Variants in PCBD2 observed in about 807,000 individuals in gnomAD.
The protein encoded by PCBD2 is pterin-4 alpha-carbinolamine dehydratase 2.
In PCBD2, 12 loss-of-function variants were observed where a neutral mutation model predicts 16.4. The observed-to-expected ratio is 0.73, with a 90% CI of 0.47 to 1.19. The LOEUF (loss-of-function observed/expected upper bound fraction) is 1.19. Ranked by LOEUF, PCBD2 falls within the 50% of genes most tolerant of loss-of-function variation. The pLI, the probability that PCBD2 is intolerant of heterozygous loss-of-function variation, is 0.00. For missense variants in PCBD2, 138 were observed against 156.8 expected (o/e 0.88, Z 0.64); for synonymous variants, 58 against 61.8 (o/e 0.94, Z 0.29).
intron 2 of PCBD2, among the ~76,000 whole-genome samples, chr5:134,935,672 A>G (rs1751151163): frequency 6.6e-6 from 1 of 152,242 alleles, no homozygotes; most frequent in South Asian, 2.1e-4. Flanking sequence ...GCAGTCCAGA[A>G]TGGAATTAAA....
chr5:134,951,983 G>A (rs752419534), intron 2 of PCBD2, among the ~76,000 whole-genome samples: 8 of 151,872 alleles, frequency 5.3e-5, no homozygotes, highest in South Asian at 2.1e-4. Context: ...AAAATTTTTC[G>A]TGTAGTAAGA....
At chr5:134,956,823 A>G (rs556821510) in intron 2 of PCBD2, among the ~76,000 whole-genome samples, 1 of 152,344 alleles carries the variant, frequency 6.6e-6, no homozygotes, top group East Asian at 1.9e-4. Context: ...TAGTTTGGTC[A>G]GAAGCAGTAG....
chr5:134,957,201 G>A (rs952605336), intron 2 of PCBD2, among the ~76,000 whole-genome samples: 12 of 152,200 alleles, frequency 7.9e-5, no homozygotes, highest in African/African-American at 2.2e-4. Flanking sequence ...AAAGGCTGCC[G>A]TGAGCCAAGA....
At chr5:134,952,997 C>A (rs1240950742) in intron 2 of PCBD2, among the ~76,000 whole-genome samples, 1 of 151,572 alleles carries the variant, frequency 6.6e-6, no homozygotes, top group Non-Finnish European at 1.5e-5. Flanking sequence ...TAATGTTTTG[C>A]CCTAAATTAG....
chr5:134,906,348 C>T (rs1023382431), intron 1 of PCBD2, among the ~76,000 whole-genome samples: 1 of 151,782 alleles, frequency 6.6e-6, no homozygotes, highest in East Asian at 1.9e-4. Context: ...GGACAACAGG[C>T]GCCCGTCGCC....
In PCBD2 at chr5:134,961,267, AT is replaced by A. The variant is rs1751472023; in HGVS notation, c.*587del. On this transcript the variant is annotated 3_prime_UTR_variant, in exon 4 of 4. Transcript: ENST00000254908. Reference sequence around the variant, plus strand: ...TAAACCAACCCAGTTACTTATATTAATAATATTCAGAAAGAGAAGTGGCTTT... The same window carrying A: ...TAAACCAACCCAGTTACTTATATTAAAATATTCAGAAAGAGAAGTGGCTTT... 1 of 151,662 alleles carries A rather than the reference AT, an allele frequency of 6.6e-6. No individual in the cohort carries two copies. The highest frequency in any genetic ancestry group is 2.4e-5 in the African/African-American group (1 of 41,292). The allele number at this position is 151,662 out of a possible 1,614,324, so 9.4% of individuals were successfully genotyped here.
At chr5:134,924,722 G>T in intron 2 of PCBD2, 1 of 395,478 alleles carries the variant, frequency 2.5e-6, no homozygotes. Flanking sequence ...ATGCCTTTTT[G>T]GGTTGAGGTG....
chr5:134,944,226 A>G (rs1183965287), intron 2 of PCBD2, among the ~76,000 whole-genome samples: 1 of 152,144 alleles, frequency 6.6e-6, no homozygotes, highest in African/African-American at 2.4e-5. Context: ...GTGCCTAGTA[A>G]GGTTTTGCAT....
At chr5:134,910,247 T>C in intron 1 of PCBD2, 88 bp from the exon 2 acceptor site, 1 of 1,414,906 alleles carries the variant, frequency 7.1e-7, no homozygotes, top group Non-Finnish European at 9.6e-7. Flanking sequence ...TTCAGACTTT[T>C]CTACATCTCT....
chr5:134,949,898 A>G (rs975085986), intron 2 of PCBD2, among the ~76,000 whole-genome samples: 1 of 152,224 alleles, frequency 6.6e-6, no homozygotes, highest in Non-Finnish European at 1.5e-5. Flanking sequence ...ATTTTTAATT[A>G]AAGTTGAAGA....
chr5:134,926,245 T>C (rs766810732), intron 2 of PCBD2: 69 of 333,776 alleles, frequency 2.1e-4, no homozygotes, highest in Admixed American at 2.4e-4. Flanking sequence ...TTGGGTTGTT[T>C]GGGTTGTTGC....
At chr5:134,907,741 G>T (rs1750714235) in intron 1 of PCBD2, among the ~76,000 whole-genome samples, 1 of 149,328 alleles carries the variant, frequency 6.7e-6, no homozygotes, top group Non-Finnish European at 1.5e-5. Flanking sequence ...TCCTTCCTCA[G>T]CCTCCTGAGT....
In PCBD2 at chr5:134,961,763, T is replaced by C. The variant is rs1486002645; in HGVS notation, c.*1082T>C. ...TTTAACTTTAAATAACAATTCTTCT[T>C]TTGTTTTGTTTTGTTTGAGACGGGG... On this transcript the variant is annotated 3_prime_UTR_variant, in exon 4 of 4. Transcript: ENST00000254908. Among the ~76,000 whole-genome samples the C allele has an allele frequency of 6.6e-6, 1 of 152,006 alleles. No individual in the cohort carries two copies. The highest frequency in any genetic ancestry group is 1.5e-5 in the Non-Finnish European group (1 of 67,986).
At chr5:134,934,786 T>C (rs1751139634) in intron 2 of PCBD2, among the ~76,000 whole-genome samples, 1 of 152,228 alleles carries the variant, frequency 6.6e-6, no homozygotes, top group African/African-American at 2.4e-5. Context: ...TGAGAAATTC[T>C]ATTCCCAGCC....
At position 134,962,328 on chromosome 5, in the gene PCBD2, G is replaced by A. The variant is rs191542161; in HGVS notation, c.*1647G>A. Among the ~76,000 whole-genome samples the A allele has an allele frequency of 9.4e-4, 143 of 151,886 alleles. No homozygotes were observed. Among genetic ancestry groups the A allele is most frequent in the Middle Eastern group, 3.4e-3 (1 of 290 alleles). On this transcript the variant is annotated 3_prime_UTR_variant, in exon 4 of 4. Transcript: ENST00000254908. ...TGGCTGGTCTAGAACTTCTGGGCTC[G>A]AGTAATCCTCCTGCCTTGGCCTCTC...
At chr5:134,908,304 C>T (rs1750723210) in intron 1 of PCBD2, among the ~76,000 whole-genome samples, 1 of 149,632 alleles carries the variant, frequency 6.7e-6, no homozygotes, top group Non-Finnish European at 1.5e-5. Context: ...CAGGCGTGTG[C>T]CACCATGCCC....
chr5:134,914,318 G>A (rs1750801759), intron 2 of PCBD2, among the ~76,000 whole-genome samples: 1 of 152,152 alleles, frequency 6.6e-6, no homozygotes, highest in Non-Finnish European at 1.5e-5. Flanking sequence ...GGGGAGATAA[G>A]AGAAGGAGTG....
intron 2 of PCBD2, among the ~76,000 whole-genome samples, chr5:134,943,933 A>G (rs17167712): frequency 0.058 from 8,815 of 152,246 alleles, 512 homozygotes; most frequent in African/African-American, 0.16. Context: ...TTCTTTGGCA[A>G]GACCTACTAG....
chr5:134,952,429 TTTTAGAG>T (rs1262635806), intron 2 of PCBD2, among the ~76,000 whole-genome samples: 3 of 152,316 alleles, frequency 2.0e-5, no homozygotes, highest in Admixed American at 6.5e-5. Context: ...TATTCTCAGT[TTTTAGAG>T]TTTAAAGTAT....
Sources: allele counts gnomAD v4.1 joint callset (sites outside exome capture counted in the v4.1 genomes callset), GRCh38; gene constraint gnomAD v4.1.1; transcripts MANE v1.5; gene names NCBI Gene and HGNC (gene_info 2026-07-23, HGNC 2026-07-21).